Variants in CR1 observed in about 807,000 individuals in gnomAD.
The protein encoded by CR1 is complement C3b/C4b receptor 1 (Knops blood group), also known as complement receptor type 1.
CR1 carries 116 observed loss-of-function variants against 187.3 expected under a neutral mutation model. That is an observed-to-expected ratio of 0.62 (90% CI 0.53 to 0.72). CR1 has a LOEUF of 0.72. CR1 is among the 30% of genes least tolerant of loss of function. The pLI is 0.00. For missense variants in CR1, 1,731 were observed against 2,110.7 expected, an observed-to-expected ratio of 0.82 and a Z score of 3.52; for synonymous variants, 576 against 747.1, an observed-to-expected ratio of 0.77 and a Z score of 3.73.
At chr1:207,613,079 C>A (rs1286229881) in intron 39 of CR1, among the ~76,000 whole-genome samples, 1 of 152,202 alleles carries the variant, frequency 6.6e-6, no homozygotes, top group Admixed American at 6.5e-5. Context: ...CACAGTGTTA[C>A]AGGCTTCTTT....
chr1:207,600,625 C>T (rs1661576254), intron 35 of CR1: 1 of 152,114 alleles, frequency 6.6e-6, no homozygotes, highest in South Asian at 2.1e-4. Flanking sequence ...TGCAGATTAC[C>T]TGGAGAATAA....
chr1:207,630,751 T>C (rs553508480), intron 46 of CR1, 130 bp downstream of exon 46: 125 of 548,286 alleles, frequency 2.3e-4, no homozygotes, highest in Non-Finnish European at 3.4e-4. Flanking sequence ...ACTTCAGGAG[T>C]TGGAAACTTC....
chr1:207,511,524 G>T (rs779888734), intron 3 of CR1, 45 bp from the exon 4 acceptor site: 3 of 1,577,310 alleles, frequency 1.9e-6, no homozygotes, highest in East Asian at 4.5e-5. Context: ...TTGGGTAGTT[G>T]ACCTGTGTCT....
intron 41 of CR1, among the ~76,000 whole-genome samples, chr1:207,617,339 C>T (rs576304058): frequency 1.3e-5 from 2 of 150,868 alleles, no homozygotes; most frequent in East Asian, 1.9e-4. Flanking sequence ...TTCACCTCAA[C>T]ATTAACAAAG....
intron 4 of CR1, among the ~76,000 whole-genome samples, chr1:207,512,588 A>G (rs887422401): frequency 1.3e-5 from 2 of 152,310 alleles, no homozygotes; most frequent in South Asian, 2.1e-4. Flanking sequence ...TCTTCTTGGT[A>G]TTTAAAAATG....
At position 207,515,008 on chromosome 1, in the gene CR1, C is replaced by T. The variant is rs866008787; in HGVS notation, c.487+3354C>T. On this transcript the variant is annotated intron_variant, in intron 4 of 46. Transcript: ENST00000367049. ...ATATATATATATACACACACACACA[C>T]ACACACACACACACACACATATATA... Among the ~76,000 whole-genome samples the T allele has an allele frequency of 4.6e-3, 669 of 146,406 alleles. 6 individuals are homozygous for T. Among genetic ancestry groups the T allele is most frequent in the African/African-American group, 0.016 (627 of 39,570 alleles).
At chr1:207,587,699 AACC>A in intron 34 of CR1, 134 bp downstream of exon 34, 1 of 747,772 alleles carries the variant, frequency 1.3e-6, no homozygotes, top group Non-Finnish European at 2.1e-6. Context: ...AGGAGTTCGC[AACC>A]AGCCTGGGCA....
chr1:207,520,412 C>T (rs1659939606), intron 4 of CR1, among the ~76,000 whole-genome samples: 2 of 152,236 alleles, frequency 1.3e-5, no homozygotes, highest in South Asian at 4.1e-4. Flanking sequence ...TTTCTTTAAA[C>T]TCACCAATTA....
rs771016495 is a variant in CR1, at chr1:207,609,609, G to C, written c.6216G>C (p.Gly2072=). ...TCATCAGATTTAGATGTCAGCCCGG[G>C]TTTGTCATGGTAGGGTCCCACACTG... ...TEIIRFRCQP[G]FVMVGSHTVQ... is the part of the protein sequence containing the mutation. Residue 2072 remains glycine (G), a synonymous_variant, in exon 37 of 47, where the codon GGG becomes GGC. Coordinates refer to ENST00000367049, the MANE Select transcript of CR1 (RefSeq NM_000651.6). 1.2e-6 allele frequency: 2 copies of C among 1,612,372 alleles called. No individual in the cohort carries two copies. Among genetic ancestry groups the C allele is most frequent in the South Asian group, 2.2e-5 (2 of 90,694 alleles).
intron 1 of CR1, among the ~76,000 whole-genome samples, chr1:207,504,685 C>A (rs184152779): frequency 2.6e-5 from 4 of 152,238 alleles, no homozygotes; most frequent in Admixed American, 6.5e-5. Flanking sequence ...TGAAATGCAC[C>A]TTATCCTTTA....
chr1:207,588,372 C>T (rs768199385), intron 34 of CR1, among the ~76,000 whole-genome samples: 10 of 152,044 alleles, frequency 6.6e-5, no homozygotes, highest in Non-Finnish European at 1.3e-4. Context: ...GGTTTTGCCA[C>T]GTTGGCCAGG....
intron 4 of CR1, among the ~76,000 whole-genome samples, chr1:207,518,644 C>G (rs1461736547): frequency 6.6e-6 from 1 of 152,216 alleles, no homozygotes; most frequent in East Asian, 1.9e-4. Context: ...TGGCTGCTGG[C>G]AATCGTTGAT....
chr1:207,600,392 T>C (rs1269580102), intron 35 of CR1, among the ~76,000 whole-genome samples: 1 of 152,154 alleles, frequency 6.6e-6, no homozygotes, highest in African/African-American at 2.4e-5. Context: ...TGTTCAACTT[T>C]GAAACCTTTA....
Position 207,506,768 on chromosome 1 carries a change from A to T in CR1, c.356A>T (p.Lys119Ile). ...GTGAATGGCATGGTGCATGTGATCA[A>T]AGGCATCCAGTTCGGATCCCAAATT... The part of the protein sequence containing the change: ...DPVNGMVHVI[K>I]GIQFGSQIKY... Residue 119 changes from lysine to isoleucine, a missense_variant, in exon 3 of 47, where the codon AAA becomes ATA. Physicochemically the swap from Lys to Ile is moderately radical, Grantham distance 102. Coordinates refer to ENST00000367049, the MANE Select transcript of CR1 (RefSeq NM_000651.6). The T allele has an allele frequency of 1.2e-6, 2 of 1,613,758 alleles. No individual in the cohort carries two copies. The highest frequency in any genetic ancestry group is 1.7e-6 in the Non-Finnish European group (2 of 1,179,730).
intron 45 of CR1, among the ~76,000 whole-genome samples, chr1:207,630,012 T>C (rs1294996570): frequency 6.6e-6 from 1 of 152,256 alleles, no homozygotes; most frequent in African/African-American, 2.4e-5. Context: ...TATTAAAAAG[T>C]GAGTAAATAT....
rs772506759 is a variant in CR1, at chr1:207,640,595, A to G, written c.*1186A>G. On this transcript the variant is annotated 3_prime_UTR_variant, in exon 47 of 47. Coordinates refer to ENST00000367049, the MANE Select transcript of CR1 (RefSeq NM_000651.6). ...TACTAAATTAACTTTTTAAAACACA[A>G]CTTTTAAAAAATGTATCAAAATAAT... 20 of 152,210 alleles carry G rather than the reference A, an allele frequency of 1.3e-4. No homozygotes were observed. The highest frequency in any genetic ancestry group is 2.8e-4 in the Non-Finnish European group (19 of 68,034). The allele number at this position is 152,210 out of a possible 1,614,324, so 9.4% of individuals were successfully genotyped here. A position where few individuals can be genotyped will look rare whatever the true frequency, so the allele number is the denominator to read the frequency against.
At chr1:207,582,088 T>C in intron 32 of CR1, 85 bp downstream of exon 32, 1 of 951,896 alleles carries the variant, frequency 1.1e-6, no homozygotes, top group Non-Finnish European at 1.6e-6. Flanking sequence ...CTATTGTTTG[T>C]CCCGCTGTTT....
At chr1:207,604,616 T>C (rs1461040643) in intron 35 of CR1, among the ~76,000 whole-genome samples, 1 of 152,246 alleles carries the variant, frequency 6.6e-6, no homozygotes. Context: ...CAAAAACTTG[T>C]ATCTATTTCT....
In CR1 at chr1:207,589,009, G is replaced by C. The variant is rs114358351; in HGVS notation, c.5810+235G>C. Among the ~76,000 whole-genome samples the C allele has an allele frequency of 7.7e-3, 1,167 of 152,326 alleles. 13 individuals are homozygous for C. Among genetic ancestry groups the C allele is most frequent in the African/African-American group, 0.026 (1,063 of 41,560 alleles). ...AGGAGGGCAACATGTTCCTGTCAAA[G>C]GTGGTACATGTGAAACCTGGTCAGG... is the stretch of plus-strand genomic sequence containing the variant. On this transcript the variant is annotated intron_variant, in intron 35 of 46. Coordinates refer to ENST00000367049, the MANE Select transcript of CR1 (RefSeq NM_000651.6).
Sources: allele counts gnomAD v4.1 joint callset (sites outside exome capture counted in the v4.1 genomes callset), GRCh38; gene constraint gnomAD v4.1.1; transcripts MANE v1.5; gene names NCBI Gene and HGNC (gene_info 2026-07-23, HGNC 2026-07-21).